Variants in HDLBP observed in about 807,000 individuals in gnomAD.
The protein encoded by HDLBP is high density lipoprotein binding protein, also known as vigilin.
HDLBP carries 30 observed loss-of-function variants against 137.3 expected under a neutral mutation model. The ratio of observed to expected loss-of-function variants is 0.22; its 90% CI spans 0.16 to 0.30. The LOEUF is 0.30. Ranked by LOEUF, HDLBP falls within the 10% of genes least tolerant of loss-of-function variation. The pLI, the probability that HDLBP is intolerant of heterozygous loss-of-function variation, is 1.00. For synonymous variants in HDLBP, 606 were observed against 596.0 expected (o/e 1.02, Z -0.24); for missense variants, 1,119 against 1,667.3 (o/e 0.67, Z 5.73).
In HDLBP at chr2:241,239,746, G is replaced by A. The variant is rs1424302520; in HGVS notation, c.2466C>T (p.Val822=). ...HRHFVIRRGQ[V]LREIAEEYGG... ...CATACTCTTCAGCAATCTCCCGCAA[G>A]ACCTGGCCTCTGCGGATGACGAAGT... The change falls in exon 19 of 28, where the codon GTC becomes GTT. Residue 822 remains valine, a synonymous_variant. Coordinates refer to ENST00000310931, the MANE Select transcript of HDLBP (RefSeq NM_005336.6). The surrounding 1 kb of genome is among the most constrained non-coding windows in gnomAD (Gnocchi z 4.6). The A allele has an allele frequency of 1.2e-6, 2 of 1,614,098 alleles. No homozygotes were observed. The highest frequency in any genetic ancestry group is 1.7e-6 in the Non-Finnish European group (2 of 1,180,058).
intron 12 of HDLBP, among the ~76,000 whole-genome samples, chr2:241,249,594 C>T (rs895337774): frequency 2.0e-5 from 3 of 152,220 alleles, no homozygotes; most frequent in Non-Finnish European, 4.4e-5. Flanking sequence ...GTGGCCAAGG[C>T]CAAGACGCTG....
At chr2:241,277,700 G>A (rs748534178) in intron 1 of HDLBP, among the ~76,000 whole-genome samples, 2 of 152,302 alleles carry the variant, frequency 1.3e-5, no homozygotes, top group South Asian at 2.1e-4. Flanking sequence ...GGTGGCTCAC[G>A]CCTATAATCC....
chr2:241,237,814 A>G (rs562810659), intron 20 of HDLBP, among the ~76,000 whole-genome samples: 1 of 152,368 alleles, frequency 6.6e-6, no homozygotes, highest in Non-Finnish European at 1.5e-5. Context: ...ATCAAAATCA[A>G]AGTTTTAAAT....
intron 16 of HDLBP, among the ~76,000 whole-genome samples, chr2:241,243,288 G>C (rs1480998891): frequency 6.6e-6 from 1 of 152,218 alleles, no homozygotes; most frequent in Non-Finnish European, 1.5e-5. Context: ...GAGATCCGGA[G>C]ACCAGCCACT....
Position 241,240,908 on chromosome 2 carries a change from G to A in HDLBP, c.2170-786C>T, listed in dbSNP as rs966881374. Among the ~76,000 whole-genome samples the A allele has an allele frequency of 2.6e-5, 4 of 152,070 alleles. No homozygotes were observed. Among genetic ancestry groups the A allele is most frequent in the South Asian group, 2.1e-4 (1 of 4,828 alleles). ...TTTCTCCGGACCCAAGATCTGGCCC[G>A]CAAGCAAAAATACCAAAGAAAAACA... is the stretch of plus-strand genomic sequence containing the variant. On this transcript the variant is annotated intron_variant, in intron 17 of 27. Coordinates refer to ENST00000310931, the MANE Select transcript of HDLBP (RefSeq NM_005336.6). The surrounding 1 kb of genome is among the most constrained non-coding windows in gnomAD (Gnocchi z 5.5).
At position 241,256,296 on chromosome 2, in the gene HDLBP, G is replaced by T; in HGVS notation, c.761C>A (p.Thr254Lys). ...LVGEIMQETGTRINIPPPSVN... is the reference protein window; with the variant it reads ...LVGEIMQETGKRINIPPPSVN... ...GCTGGGTGGGGGGATGTTGATGCGC[G>T]TGCCTGTCTCCTGCATGATCTCGCC... The change falls in exon 7 of 28, where the codon ACG (threonine) becomes AAG (lysine). Residue 254 changes from threonine to lysine, a missense_variant. Coordinates refer to ENST00000310931, the MANE Select transcript of HDLBP (RefSeq NM_005336.6). 1 of 1,614,090 alleles carries T rather than the reference G, an allele frequency of 6.2e-7. No homozygotes were observed. Among genetic ancestry groups the T allele is most frequent in the Non-Finnish European group, 8.5e-7 (1 of 1,179,994 alleles).
At chr2:241,305,837 G>A (rs1031609407) in intron 1 of HDLBP, among the ~76,000 whole-genome samples, 5 of 148,916 alleles carry the variant, frequency 3.4e-5, no homozygotes, top group Non-Finnish European at 5.9e-5. Flanking sequence ...TCGGCTCACT[G>A]CAAAGTTCCG....
At chr2:241,290,123 C>T (rs773716047) in intron 1 of HDLBP, among the ~76,000 whole-genome samples, 11 of 152,232 alleles carry the variant, frequency 7.2e-5, no homozygotes, top group Admixed American at 1.3e-4. Context: ...AAAAGAGCAA[C>T]GGAGGCCAGC....
intron 1 of HDLBP, among the ~76,000 whole-genome samples, chr2:241,280,534 A>T (rs2074556338): frequency 6.6e-6 from 1 of 152,218 alleles, no homozygotes; most frequent in Non-Finnish European, 1.5e-5. Context: ...GTAACTTAGT[A>T]TATTCTCCAG....
At chr2:241,268,720 G>C (rs1015480299) in intron 1 of HDLBP, 179 bp from the exon 2 acceptor site, 10 of 155,438 alleles carry the variant, frequency 6.4e-5, no homozygotes, top group African/African-American at 2.2e-4. Context: ...ACGTTAGCTT[G>C]AAACAAAACA....
chr2:241,255,023 A>G (rs774998169), intron 9 of HDLBP, 28 bp downstream of exon 9: 2 of 1,486,260 alleles, frequency 1.3e-6, no homozygotes, highest in South Asian at 2.3e-5. Context: ...GACAAATTCA[A>G]TACAACAGGT....
chr2:241,250,101 A>T, intron 11 of HDLBP, 121 bp from the exon 12 acceptor site: 1 of 983,836 alleles, frequency 1.0e-6, no homozygotes, highest in Non-Finnish European at 1.5e-6. Flanking sequence ...CATCACCAAA[A>T]ACGATGCTTA....
rs764904590 is a variant in HDLBP, at chr2:241,235,856, A to C, written c.2905-262T>G. 2.6e-5 allele frequency among the ~76,000 whole-genome samples: 4 copies of C among 152,320 alleles called. No homozygotes were observed. In the Middle Eastern group the frequency reaches 0.01, roughly 389 times the overall value. On this transcript the variant is annotated intron_variant, in intron 21 of 27. Transcript: ENST00000310931. ...GAATTACAGCAGCCCCTTCAGGCCC[A>C]CGTAGGAGGAGAGGCCCTGACTCCT... is the stretch of plus-strand genomic sequence containing the variant.
At chr2:241,283,379 T>C (rs80040829) in intron 1 of HDLBP, among the ~76,000 whole-genome samples, 4 of 152,250 alleles carry the variant, frequency 2.6e-5, no homozygotes, top group Non-Finnish European at 5.9e-5. Context: ...AGGTCACTGA[T>C]GAAAGTAGCT....
Position 241,260,415 on chromosome 2 carries a change from C to T in HDLBP, c.450+2296G>A, listed in dbSNP as rs116665325. 9.6e-3 allele frequency among the ~76,000 whole-genome samples: 1,465 copies of T among 152,312 alleles called. 11 individuals are homozygous for T. Among genetic ancestry groups the T allele is most frequent in the Non-Finnish European group, 0.014 (919 of 68,028 alleles). ...CAGCTCCAGCATGAAGAATGATGGACAATGCCTGAGTTCATAATGACACTA... is the reference window on the plus strand; with the variant it reads ...CAGCTCCAGCATGAAGAATGATGGATAATGCCTGAGTTCATAATGACACTA... On this transcript the variant is annotated intron_variant, in intron 5 of 27. Coordinates refer to ENST00000310931, the MANE Select transcript of HDLBP (RefSeq NM_005336.6).
intron 5 of HDLBP, among the ~76,000 whole-genome samples, 182 bp from the exon 6 acceptor site, chr2:241,256,988 AG>A (rs1238475109): frequency 1.3e-5 from 2 of 152,224 alleles, no homozygotes; most frequent in Non-Finnish European, 2.9e-5. Flanking sequence ...CCTGACTCCC[AG>A]GTTAGGGTAA....
chr2:241,301,280 C>T (rs965136249), intron 1 of HDLBP, among the ~76,000 whole-genome samples: 1 of 151,836 alleles, frequency 6.6e-6, no homozygotes, highest in African/African-American at 2.4e-5. Flanking sequence ...AGCCACTGCA[C>T]CCGGCCACAC....
At chr2:241,232,313 T>A (rs147998961) in intron 24 of HDLBP, among the ~76,000 whole-genome samples, 4,984 of 151,556 alleles carry the variant, frequency 0.033, 503 homozygotes, top group Admixed American at 0.19. Flanking sequence ...TCTCACTCTG[T>A]CGCCCAGGCT....
rs1247763640 is a variant in HDLBP, at chr2:241,239,134, A to G, written c.2611-347T>C. ...AGGGAATCCAAGGCCCTGGCAGGGG[A>G]GTGGCCTGGAGGGGACACTCTCTAA... On this transcript the variant is annotated intron_variant, in intron 19 of 27. Transcript: ENST00000310931. This position sits in a 1 kb window ranked among gnomAD's most constrained non-coding sequence, Gnocchi z 4.6. 9.2e-5 allele frequency among the ~76,000 whole-genome samples: 14 copies of G among 152,148 alleles called. No individual in the cohort carries two copies. Among genetic ancestry groups the G allele is most frequent in the Non-Finnish European group, 2.9e-5 (2 of 68,022 alleles).
Sources: allele counts gnomAD v4.1 joint callset (sites outside exome capture counted in the v4.1 genomes callset), GRCh38; gene constraint gnomAD v4.1.1; non-coding constraint Gnocchi (gnomAD v3.1); transcripts MANE v1.5; gene names NCBI Gene and HGNC (gene_info 2026-07-23, HGNC 2026-07-21).